The following HR variants were observed in gnomAD, a reference collection of about 807,000 sequenced individuals.
HR encodes lysine-specific demethylase hairless.
In HR, 83 loss-of-function variants were observed where a neutral mutation model predicts 128.6. That is an observed-to-expected ratio of 0.65 (90% CI 0.54 to 0.77). The LOEUF (loss-of-function observed/expected upper bound fraction) is 0.77, where lower values mean the gene tolerates loss of function less well. Ranked by LOEUF, HR falls within the 30% of genes least tolerant of loss-of-function variation. HR has a pLI of 0.00. For synonymous variants in HR, 681 were observed against 658.2 expected, an observed-to-expected ratio of 1.03 and a Z score of -0.53; for missense variants, 1,490 against 1,574.6, an observed-to-expected ratio of 0.95 and a Z score of 0.91.
rs753887868 is a variant in HR at position 22,128,689 on chromosome 8, G to A, written c.482C>T (p.Thr161Ile). The A allele has an allele frequency of 6.3e-7, 1 of 1,584,854 alleles. No homozygotes were observed. The highest frequency in any genetic ancestry group is 2.3e-5 in the East Asian group (1 of 43,930). The change falls in exon 2 of 19, where the codon ACC becomes ATC. Residue 161 changes from threonine to isoleucine, a missense_variant. Physicochemically the swap from Thr to Ile is moderately conservative, Grantham distance 89. Coordinates refer to ENST00000381418, the MANE Select transcript of HR (RefSeq NM_005144.5). ...ILERAPFWVPTCLPPYLVSGL... is the reference protein window; with the variant it reads ...ILERAPFWVPICLPPYLVSGL... ...AGACACTAGGTAGGGTGGCAAGCAG[G>A]TGGGCACCCAGAAGGGAGCTCGCTC...
In HR at chr8:22,129,117, G is replaced by A. The variant is rs1338729438; in HGVS notation, c.54C>T (p.Ala18=). ...CCTGTCTCACGATGCCGTTCTCTGGGGCCGTCTTCTCCCAGGTTGGGGTGC... is the reference window on the plus strand; with the variant it reads ...CCTGTCTCACGATGCCGTTCTCTGGAGCCGTCTTCTCCCAGGTTGGGGTGC... ...LKGTPTWEKT[A]PENGIVRQEP... Residue 18 remains alanine, a synonymous_variant, in exon 2 of 19, where the codon GCC becomes GCT. Coordinates refer to ENST00000381418, the MANE Select transcript of HR (RefSeq NM_005144.5). 6.4e-7 allele frequency: 1 copy of A among 1,565,720 alleles called. No homozygotes were observed. The highest frequency in any genetic ancestry group is 8.6e-7 in the Non-Finnish European group (1 of 1,158,320).
Position 22,115,582 on chromosome 8 carries a change from C to T in HR, c.*118G>A. 2 of 874,142 alleles carry T rather than the reference C, an allele frequency of 2.3e-6. No homozygotes were observed. The highest frequency in any genetic ancestry group is 1.9e-6 in the Non-Finnish European group (1 of 526,918). The allele number at this position is 874,142 out of a possible 1,614,324, so 54.1% of individuals were successfully genotyped here. A position where few individuals can be genotyped will look rare whatever the true frequency, so the allele number is the denominator to read the frequency against. On this transcript the variant is annotated 3_prime_UTR_variant, in exon 19 of 19. Transcript: ENST00000381418. ...TGCCCTGCTTGTGCCCAGAGTGGTGCTTGTGGGGTTGACCAGAAATCCCCA... is the reference window on the plus strand; with the variant it reads ...TGCCCTGCTTGTGCCCAGAGTGGTGTTTGTGGGGTTGACCAGAAATCCCCA...
At position 22,127,348 on chromosome 8, in the gene HR, G is replaced by A; in HGVS notation, c.1094C>T (p.Ala365Val). ...GGGGGGACAGGCCCTGGGGCCAGAG[G>A]CCTTGTTCACTTCCTCGCTGGGTTC... ...ASEPSEEVNK[A>V]SGPRACPPSH... The change falls in exon 3 of 19, where the codon GCC becomes GTC. Residue 365 changes from alanine (A) to valine (V), a missense_variant. By Grantham distance (64) the Ala-to-Val change is moderately conservative. Around this residue, in one of 3 missense-constraint regions of HR, gnomAD observed 1,060 missense variants for 1,060.9 expected, o/e 1.00. Coordinates refer to ENST00000381418, the MANE Select transcript of HR (RefSeq NM_005144.5). 8.7e-6 allele frequency: 14 copies of A among 1,613,366 alleles called. No homozygotes were observed. Among genetic ancestry groups the A allele is most frequent in the Non-Finnish European group, 1.2e-5 (14 of 1,180,030 alleles).
chr8:22,117,036 A>T lies in HR; in HGVS notation c.3217T>A (p.Cys1073Ser). The change falls in exon 17 of 19, where the codon TGC (cysteine) becomes AGC (serine). Residue 1073 changes from cysteine to serine, a missense_variant. By Grantham distance (112) the Cys-to-Ser change is moderately radical (BLOSUM62 -1). Transcript: ENST00000381418. ...QRIRRFLQMV[C>S]PAGAGALEPG... ...TCCAGGGCGCCTGCCCCGGCCGGGCACACCTCAAAGAAGAGAAGGGGGAAT... is the reference window on the plus strand; with the variant it reads ...TCCAGGGCGCCTGCCCCGGCCGGGCTCACCTCAAAGAAGAGAAGGGGGAAT... 1 of 1,501,266 alleles carries T rather than the reference A, an allele frequency of 6.7e-7. No homozygotes were observed. 93.0% of individuals were successfully genotyped at this position (1,501,266 alleles called of 1,614,324 possible).
At position 22,125,389 on chromosome 8, in the gene HR, G is replaced by T. The variant is rs143920702; in HGVS notation, c.1672C>A (p.Leu558Met). The T allele has an allele frequency of 2.4e-5, 39 of 1,610,888 alleles. No homozygotes were observed. Among genetic ancestry groups the T allele is most frequent in the Non-Finnish European group, 2.7e-5 (32 of 1,179,220 alleles). Residue 558 changes from leucine to methionine, a missense_variant, in exon 5 of 19, where the codon CTG (leucine) becomes ATG (methionine). Transcript: ENST00000381418. ...SRLSTGLAKH[L>M]LSGLGDRLCR... Reference sequence around the variant, plus strand: ...AGTCGGTCCCCCAAACCACTGAGCAGGTGCTTGGCGAGGCCTGTGCTGAGC... The same window carrying T: ...AGTCGGTCCCCCAAACCACTGAGCATGTGCTTGGCGAGGCCTGTGCTGAGC...
chr8:22,118,784 G>C (rs1442525482), intron 16 of HR, 166 bp downstream of exon 16: 1 of 628,414 alleles, frequency 1.6e-6, no homozygotes, highest in East Asian at 2.7e-5. Flanking sequence ...CAGAACTCCG[G>C]GTCCCCTCTG....
At chr8:22,119,703 G>T (rs1435111774) in intron 14 of HR, 57 bp downstream of exon 14, 16 of 1,558,480 alleles carry the variant, frequency 1.0e-5, no homozygotes, top group Non-Finnish European at 1.4e-5. Flanking sequence ...TGTGCCCCGA[G>T]ATGACAGGCA....
At chr8:22,128,464 C>A in intron 2 of HR, 95 bp downstream of exon 2, 1 of 1,541,786 alleles carries the variant, frequency 6.5e-7, no homozygotes. Flanking sequence ...TCGGTGCTGC[C>A]TTCTCTTTTC....
rs934235580 is a variant in HR, at chr8:22,114,887, A to C, written c.*813T>G. 3 of 152,446 alleles carry C rather than the reference A, an allele frequency of 2.0e-5. No individual in the cohort carries two copies. The highest frequency in any genetic ancestry group is 7.2e-5 in the African/African-American group (3 of 41,478). The allele number at this position is 152,446 out of a possible 1,614,324, so 9.4% of individuals were successfully genotyped here. On this transcript the variant is annotated 3_prime_UTR_variant, in exon 19 of 19. Coordinates refer to ENST00000381418, the MANE Select transcript of HR (RefSeq NM_005144.5). ...GGGGACAGCCCCCCACCCCACCCAA[A>C]GTCTCCTCAGTGGGAGGCAAGGCCC...
Position 22,120,377 on chromosome 8 carries a change from C to T in HR, c.2741G>A (p.Ser914Asn), listed in dbSNP as rs1175268839. 1 of 1,613,950 alleles carries T rather than the reference C, an allele frequency of 6.2e-7. No homozygotes were observed. Among genetic ancestry groups the T allele is most frequent in the South Asian group, 1.1e-5 (1 of 91,090 alleles). The change falls in exon 12 of 19, where the codon AGC becomes AAC. Residue 914 changes from serine to asparagine, a missense_variant. By Grantham distance (46) the Ser-to-Asn change is conservative. This residue lies in a region of HR where 423 missense variants were observed against 495.9 expected (regional missense o/e 0.85). Coordinates refer to ENST00000381418, the MANE Select transcript of HR (RefSeq NM_005144.5). ...LGPPQPSSLG[S>N]TTFWEGFSWP... is the part of the protein sequence containing the mutation. ...GGAGAAGCCCTCCCAGAATGTTGTG[C>T]TGCCCAGGCTGCTGGGCTGGGGAGG...
At position 22,124,219 on chromosome 8, in the gene HR, C is replaced by T. The variant is rs1212826532; in HGVS notation, c.1751-406G>A. On this transcript the variant is annotated intron_variant, in intron 5 of 18. Coordinates refer to ENST00000381418, the MANE Select transcript of HR (RefSeq NM_005144.5). ...TGGTAACCATGCTCAGGTGCCATTTCCTCCAGGAGACTTTGTTGTCGTTGT... is the reference window on the plus strand; with the variant it reads ...TGGTAACCATGCTCAGGTGCCATTTTCTCCAGGAGACTTTGTTGTCGTTGT... Among the ~76,000 whole-genome samples the T allele has an allele frequency of 2.0e-5, 3 of 152,218 alleles. No individual in the cohort carries two copies. In the East Asian group the frequency reaches 5.8e-4, roughly 29 times the overall value.
In HR at chr8:22,115,714, G is replaced by A; in HGVS notation, c.3556C>T (p.Gln1186Ter). 6.2e-7 allele frequency: 1 copy of A among 1,613,946 alleles called. No individual in the cohort carries two copies. Among genetic ancestry groups the A allele is most frequent in the Non-Finnish European group, 8.5e-7 (1 of 1,179,968 alleles). The change falls in exon 19 of 19, where the codon CAG becomes TAG. Residue 1186 changes from glutamine to a stop codon, truncating the protein, a stop_gained. Transcript: ENST00000381418. LOFTEE classifies it high-confidence loss of function. ...CTAGCATCCCTCTATTTGGCCTCCT[G>A]TAATGTCCCCACGGCCACCTTCACT... ...QAVKVAVGTLQEAK is the reference protein window; with the variant it reads ...QAVKVAVGTL
chr8:22,124,269 A>G (rs908371884), intron 5 of HR, among the ~76,000 whole-genome samples: 3 of 152,208 alleles, frequency 2.0e-5, no homozygotes, highest in Non-Finnish European at 4.4e-5. Flanking sequence ...TCACTCTGTC[A>G]TCTAGGCTGG....
Position 22,121,687 on chromosome 8 carries a change from G to T in HR, c.2129C>A (p.Ser710Ter). 2 of 1,614,092 alleles carry T rather than the reference G, an allele frequency of 1.2e-6. No individual in the cohort carries two copies. The highest frequency in any genetic ancestry group is 1.7e-6 in the Non-Finnish European group (2 of 1,180,010). The change falls in exon 9 of 19, where the codon TCA becomes TAA. Residue 710 changes from serine to a stop codon, truncating the protein, a stop_gained. Coordinates refer to ENST00000381418, the MANE Select transcript of HR (RefSeq NM_005144.5). LOFTEE classifies it high-confidence loss of function. ...TGGAGTTGGGGGCGTTTTCTGTGTTGATTCCTTCTGTTAAACCCATCCACC... is the reference window on the plus strand; with the variant it reads ...TGGAGTTGGGGGCGTTTTCTGTGTTTATTCCTTCTGTTAAACCCATCCACC... ...APGDAGQQKE[S>*]TQKTPPTPQP... is the part of the protein sequence containing the mutation.
Position 22,125,494 on chromosome 8 carries a change from C to G in HR, c.1567G>C (p.Gly523Arg). Residue 523 changes from glycine (G) to arginine (R), a missense_variant, in exon 5 of 19, where the codon GGA becomes CGA. Physicochemically the swap from Gly to Arg is moderately radical, Grantham distance 125. Around this residue, in one of 3 missense-constraint regions of HR, gnomAD observed 1,060 missense variants for 1,060.9 expected, o/e 1.00. Transcript: ENST00000381418. ...TCTTCCTCCTGCTGCAGCTCCCCTC[C>G]CAGAGGCGATCTGGAGAGAGGGCAG... ...HSQQVRRSPL[G>R]GELQQEEDTA... The G allele has an allele frequency of 1.2e-6, 2 of 1,613,460 alleles. No individual in the cohort carries two copies. The highest frequency in any genetic ancestry group is 1.7e-5 in the Admixed American group (1 of 59,992).
At position 22,115,670 on chromosome 8, in the gene HR, C is replaced by T; in HGVS notation, c.*30G>A. 1.2e-6 allele frequency: 2 copies of T among 1,607,522 alleles called. No individual in the cohort carries two copies. The highest frequency in any genetic ancestry group is 1.7e-6 in the Non-Finnish European group (2 of 1,174,148). On this transcript the variant is annotated 3_prime_UTR_variant, in exon 19 of 19. Transcript: ENST00000381418. Reference sequence around the variant, plus strand: ...GGCTGAGCACCTGGTCTACCTGTCCCCACCCCGATCCCAGACACCTAGCAT... The same window carrying T: ...GGCTGAGCACCTGGTCTACCTGTCCTCACCCCGATCCCAGACACCTAGCAT...
rs113647847 is a variant in HR, at chr8:22,122,624, G to A, written c.2006-16C>T. 3.2e-4 allele frequency: 504 copies of A among 1,580,096 alleles called. 6 individuals are homozygous for A. The African/African-American group carries it at 5.4e-3, about 17-fold the overall frequency. ...TCTGCCAAAGCTGGGGGTGGGGGTG[G>A]GCAGGAGAGGGAGGTTGGTGGTGAG... is the stretch of plus-strand genomic sequence containing the variant. On this transcript the variant is annotated splice_polypyrimidine_tract_variant and intron_variant, in intron 7 of 18. Coordinates refer to ENST00000381418, the MANE Select transcript of HR (RefSeq NM_005144.5).
At position 22,120,818 on chromosome 8, in the gene HR, C is replaced by A. The variant is rs768134037; in HGVS notation, c.2508G>T (p.Arg836=). 88 of 1,548,404 alleles carry A rather than the reference C, an allele frequency of 5.7e-5. 1 individual carries two copies. The Admixed American group carries it at 7.0e-4, about 12-fold the overall frequency. The part of the protein sequence containing the change: ...KGLGLPLSPV[R]PRLPPPGALL... ...AAGCCCCTGGGGGAGGCAGCCGGGG[C>A]CGCACTGGAGAGAGGGGCAGGCCCA... Residue 836 remains arginine (R), a synonymous_variant, in exon 11 of 19, where the codon CGG becomes CGT. Transcript: ENST00000381418.
Position 22,129,163 on chromosome 8 carries a change from C to G in HR, c.8G>C (p.Ser3Thr), listed in dbSNP as rs1826986589. The change falls in exon 2 of 19, where the codon AGT becomes ACT. Residue 3 changes from serine to threonine, a missense_variant. Physicochemically the swap from Ser to Thr is moderately conservative, Grantham distance 58 (BLOSUM62 1). Transcript: ENST00000381418. ...GGTGCCCTTCAGGAAGCTGGGCGTACTCTCCATCACTCTCCTGCCCTCATG... is the reference window on the plus strand; with the variant it reads ...GGTGCCCTTCAGGAAGCTGGGCGTAGTCTCCATCACTCTCCTGCCCTCATG... MESTPSFLKGTPT... is the reference protein window; with the variant it reads METTPSFLKGTPT... 4 of 1,532,380 alleles carry G rather than the reference C, an allele frequency of 2.6e-6. No homozygotes were observed. The highest frequency in any genetic ancestry group is 1.8e-4 in the Middle Eastern group (1 of 5,650). 94.9% of individuals were successfully genotyped at this position (1,532,380 alleles called of 1,614,324 possible).
Sources: allele counts gnomAD v4.1 joint callset (sites outside exome capture counted in the v4.1 genomes callset), GRCh38; gene constraint gnomAD v4.1.1; regional missense constraint gnomAD v4.1.1; transcripts MANE v1.5; gene names NCBI Gene and HGNC (gene_info 2026-07-23, HGNC 2026-07-21).